The following MLIP variants were observed in gnomAD, a reference collection of about 807,000 sequenced individuals.
MLIP encodes the protein muscular LMNA interacting protein, also known as muscular LMNA-interacting protein.
Under a neutral mutation model 84.8 loss-of-function variants are expected in MLIP, and 79 were observed. That is an observed-to-expected ratio of 0.93 (90% CI 0.78 to 1.12). The LOEUF (loss-of-function observed/expected upper bound fraction) is 1.12, where lower values mean the gene tolerates loss of function less well. Ranked by LOEUF, MLIP falls within the 50% of genes most tolerant of loss-of-function variation. The pLI is 0.00. For synonymous variants in MLIP, 504 were observed against 463.0 expected, an observed-to-expected ratio of 1.09 and a Z score of -1.14; for missense variants, 1,257 against 1,160.6, an observed-to-expected ratio of 1.08 and a Z score of -1.21.
rs898912781 is a variant in MLIP at position 54,230,727 on chromosome 6, C to T, written c.2732C>T (p.Pro911Leu). Residue 911 changes from proline to leucine, a missense_variant, in exon 12 of 14, where the codon CCT (proline) becomes CTT (leucine). Coordinates refer to ENST00000502396, the MANE Select transcript of MLIP (RefSeq NM_001281747.2). Reference protein sequence around the residue: ...DLFSEQDVTVPPKPVSLHPLY... With the variant: ...DLFSEQDVTVLPKPVSLHPLY... ...CTTCCCCACCAGGATGTAACAGTCCCTCCCAAGCCTGTCTCGCTCCATCCT... is the reference window on the plus strand; with the variant it reads ...CTTCCCCACCAGGATGTAACAGTCCTTCCCAAGCCTGTCTCGCTCCATCCT... The T allele has an allele frequency of 1.2e-6, 2 of 1,613,890 alleles. No homozygotes were observed. Among genetic ancestry groups the T allele is most frequent in the Middle Eastern group, 1.6e-4 (1 of 6,082 alleles).
At chr6:54,132,567 G>A (rs1727057605) in intron 3 of MLIP, among the ~76,000 whole-genome samples, 2 of 152,158 alleles carry the variant, frequency 1.3e-5, no homozygotes, top group Admixed American at 6.5e-5. Context: ...AGCATAATGG[G>A]AGAAATAGTA....
At chr6:54,042,227 AGAT>A (rs1764786422) in intron 1 of MLIP, among the ~76,000 whole-genome samples, 2 of 152,080 alleles carry the variant, frequency 1.3e-5, no homozygotes, top group South Asian at 4.1e-4. Flanking sequence ...GACTCTCCCT[AGAT>A]GTAATAAATG....
At chr6:54,155,852 A>G (rs935149622) in intron 5 of MLIP, among the ~76,000 whole-genome samples, 2 of 152,080 alleles carry the variant, frequency 1.3e-5, no homozygotes, top group Admixed American at 1.3e-4. Context: ...CAAACTACCA[A>G]CACTTGTAAT....
chr6:54,033,418 C>T (rs1764251535), intron 1 of MLIP, among the ~76,000 whole-genome samples: 1 of 151,996 alleles, frequency 6.6e-6, no homozygotes, highest in Non-Finnish European at 1.5e-5. Context: ...AGGCGTGTGC[C>T]ATCTTGCTTG....
chr6:54,230,949 C>T (rs752435738), intron 12 of MLIP, 32 bp downstream of exon 12: 130 of 1,596,720 alleles, frequency 8.1e-5, no homozygotes, highest in Non-Finnish European at 1.0e-4. Flanking sequence ...GAGGACTATT[C>T]TATTCTGTGA....
chr6:54,124,413 C>A, intron 2 of MLIP, 60 bp from the exon 3 acceptor site: 1 of 1,485,558 alleles, frequency 6.7e-7, no homozygotes, highest in South Asian at 1.3e-5. Flanking sequence ...GTGTACATGC[C>A]AAAAAAGAAG....
chr6:54,075,174 G>A (rs1383618091), intron 1 of MLIP, among the ~76,000 whole-genome samples: 6 of 148,426 alleles, frequency 4.0e-5, no homozygotes, highest in African/African-American at 1.2e-4. Context: ...TTGAACCGGG[G>A]AGGCAGAGAT....
chr6:54,228,862 C>T (rs1173178444), intron 11 of MLIP, among the ~76,000 whole-genome samples: 3 of 152,182 alleles, frequency 2.0e-5, no homozygotes, highest in African/African-American at 7.2e-5. Context: ...CTTGTGTTTG[C>T]TACTCAGTTG....
chr6:54,028,356 C>T (rs1053114503), intron 1 of MLIP, among the ~76,000 whole-genome samples: 1 of 151,996 alleles, frequency 6.6e-6, no homozygotes, highest in Non-Finnish European at 1.5e-5. Flanking sequence ...GAGACCACCT[C>T]GTGATTTTAA....
chr6:54,020,907 G>A (rs1283189579), intron 1 of MLIP, among the ~76,000 whole-genome samples: 1 of 152,210 alleles, frequency 6.6e-6, no homozygotes, highest in Non-Finnish European at 1.5e-5. Context: ...TGAAAGCCCA[G>A]TGTCTGGGGT....
chr6:54,201,463 C>T (rs1213670966), intron 10 of MLIP, among the ~76,000 whole-genome samples: 1 of 152,200 alleles, frequency 6.6e-6, no homozygotes, highest in Admixed American at 6.5e-5. Context: ...CTCAGCATAT[C>T]TGCTTTTTAG....
chr6:54,234,443 A>C (rs1781227837), intron 12 of MLIP, among the ~76,000 whole-genome samples: 1 of 152,176 alleles, frequency 6.6e-6, no homozygotes, highest in African/African-American at 2.4e-5. Flanking sequence ...AAAATCGTCC[A>C]TTCTTCTCCA....
At chr6:54,264,103 G>C (rs1783550986) in intron 13 of MLIP, among the ~76,000 whole-genome samples, 1 of 152,006 alleles carries the variant, frequency 6.6e-6, no homozygotes, top group Non-Finnish European at 1.5e-5. Context: ...TGACCTGCTG[G>C]TGGGTTCGGG....
intron 1 of MLIP, among the ~76,000 whole-genome samples, chr6:54,101,756 A>G (rs186198507): frequency 9.9e-5 from 15 of 152,284 alleles, no homozygotes; most frequent in Admixed American, 2.0e-4. Context: ...ATTGAAAAGT[A>G]TGTAGCTTTA....
chr6:54,105,701 A>G (rs1433477797), intron 1 of MLIP, among the ~76,000 whole-genome samples: 1 of 152,150 alleles, frequency 6.6e-6, no homozygotes, highest in Non-Finnish European at 1.5e-5. Flanking sequence ...GCAATTTTAT[A>G]TAAGGTGGTA....
intron 12 of MLIP, among the ~76,000 whole-genome samples, chr6:54,243,189 T>C (rs566390049): frequency 6.6e-6 from 1 of 152,328 alleles, no homozygotes; most frequent in East Asian, 1.9e-4. Flanking sequence ...TGATCCAGTC[T>C]GATGAATCAG....
intron 11 of MLIP, among the ~76,000 whole-genome samples, chr6:54,220,891 T>C (rs1389422673): frequency 6.6e-6 from 1 of 151,900 alleles, no homozygotes; most frequent in African/African-American, 2.4e-5. Context: ...ACATCAACAT[T>C]TATAGGTAAC....
At chr6:54,208,645 AAG>A (rs1779207621) in intron 11 of MLIP, among the ~76,000 whole-genome samples, 1 of 152,234 alleles carries the variant, frequency 6.6e-6, no homozygotes, top group Non-Finnish European at 1.5e-5. Flanking sequence ...TTTATTTCAC[AAG>A]AGTCTCTATC....
chr6:54,230,741 T>C lies in MLIP; in HGVS notation c.2746T>C (p.Ser916Pro), dbSNP rs1250366918. ...TGTAACAGTCCCTCCCAAGCCTGTC[T>C]CGCTCCATCCTTTATATCAGACTAA... ...QDVTVPPKPV[S>P]LHPLYQTKLY... Residue 916 changes from serine to proline, a missense_variant, in exon 12 of 14, where the codon TCG (serine) becomes CCG (proline). Transcript: ENST00000502396. 1.2e-6 allele frequency: 2 copies of C among 1,614,132 alleles called. No homozygotes were observed. Among genetic ancestry groups the C allele is most frequent in the Admixed American group, 3.3e-5 (2 of 60,006 alleles).
Sources: allele counts gnomAD v4.1 joint callset (sites outside exome capture counted in the v4.1 genomes callset), GRCh38; gene constraint gnomAD v4.1.1; transcripts MANE v1.5; gene names NCBI Gene and HGNC (gene_info 2026-07-23, HGNC 2026-07-21).